The following ZNF728 variants were observed in gnomAD, a reference collection of about 807,000 sequenced individuals.
The protein encoded by ZNF728 is zinc finger protein 728.
Under a neutral mutation model 12.5 loss-of-function variants are expected in ZNF728, and 12 were observed. The observed-to-expected ratio is 0.96, with a 90% CI of 0.61 to 1.55. The LOEUF (loss-of-function observed/expected upper bound fraction) is 1.55, where lower values mean the gene tolerates loss of function less well. Among genes scored for constraint, ZNF728 ranks in the 40% most tolerant of loss-of-function variants. The probability of loss-of-function intolerance (pLI) is 0.00; values close to 1 mark genes in which losing one functional copy is unlikely to be tolerated. For missense variants in ZNF728, 692 were observed against 719.2 expected (o/e 0.96, Z 0.43); for synonymous variants, 205 against 240.7 (o/e 0.85, Z 1.37).
At position 22,976,510 on chromosome 19, in the gene ZNF728, C is replaced by T; in HGVS notation, c.827G>A (p.Arg276Lys). The T allele has an allele frequency of 6.2e-7, 1 of 1,612,710 alleles. No homozygotes were observed. Among genetic ancestry groups the T allele is most frequent in the Non-Finnish European group, 8.5e-7 (1 of 1,179,858 alleles). ...TRSSSLIEHK[R>K]SHAGEKPYKC... ...GTAGGGTTTCTCTCCAGCATGACTT[C>T]TCTTATGTTCAATAAGGCTTGAGGA... Residue 276 changes from arginine (R) to lysine (K), a missense_variant, in exon 4 of 4, where the codon AGA (arginine) becomes AAA (lysine). Arg to Lys is a conservative substitution (Grantham distance 26). Around this residue, in one of 3 missense-constraint regions of ZNF728, gnomAD observed 440 missense variants for 459.6 expected, o/e 0.96. Coordinates refer to ENST00000594710, the MANE Select transcript of ZNF728 (RefSeq NM_001267716.2).
intron 3 of ZNF728, among the ~76,000 whole-genome samples, chr19:22,979,066 G>A (rs528158170): frequency 1.3e-5 from 2 of 152,252 alleles, no homozygotes; most frequent in South Asian, 2.1e-4. Flanking sequence ...AAACTCCTCC[G>A]AGCTAAAGGA....
chr19:23,003,124 GAC>G lies in ZNF728; in HGVS notation c.-96_-95del. 7.0e-7 allele frequency: 1 copy of G among 1,431,874 alleles called. No homozygotes were observed. Among genetic ancestry groups the G allele is most frequent in the South Asian group, 1.4e-5 (1 of 72,438 alleles). 88.7% of individuals were successfully genotyped at this position (1,431,874 alleles called of 1,614,324 possible). On this transcript the variant is annotated 5_prime_UTR_variant, in exon 1 of 4. Coordinates refer to ENST00000594710, the MANE Select transcript of ZNF728 (RefSeq NM_001267716.2). Reference sequence around the variant, plus strand: ...AGAAGCTGGGCCTTTAGGAGCGGACGACACACAGCAGTAAGGACGACACCTTG... The same window carrying G: ...AGAAGCTGGGCCTTTAGGAGCGGACGACACAGCAGTAAGGACGACACCTTG...
intron 3 of ZNF728, among the ~76,000 whole-genome samples, chr19:22,980,273 A>G (rs901254383): frequency 6.6e-6 from 1 of 152,152 alleles, no homozygotes; most frequent in Non-Finnish European, 1.5e-5. Context: ...AAAGATCAAA[A>G]GAGACAAAGA....
At chr19:23,002,509 T>TAA (rs994067909) in intron 1 of ZNF728, among the ~76,000 whole-genome samples, 1 of 152,248 alleles carries the variant, frequency 6.6e-6, no homozygotes, top group African/African-American at 2.4e-5. Context: ...AGGCACCTTA[T>TAA]AAAACTCTTC....
rs892879791 is a variant in ZNF728 at position 22,975,188 on chromosome 19, G to A, written c.*280C>T. Among the ~76,000 whole-genome samples the A allele has an allele frequency of 5.3e-5, 8 of 152,144 alleles. No individual in the cohort carries two copies. Among genetic ancestry groups the A allele is most frequent in the African/African-American group, 1.9e-4 (8 of 41,432 alleles). Reference sequence around the variant, plus strand: ...TTAGCTTATGTCTGTTAAGAATTGAGGATCTGTTAGAGGCTTTCCCACATT... The same window carrying A: ...TTAGCTTATGTCTGTTAAGAATTGAAGATCTGTTAGAGGCTTTCCCACATT... On this transcript the variant is annotated 3_prime_UTR_variant, in exon 4 of 4. Coordinates refer to ENST00000594710, the MANE Select transcript of ZNF728 (RefSeq NM_001267716.2).
At chr19:22,987,964 T>G (rs1487141883) in intron 2 of ZNF728, among the ~76,000 whole-genome samples, 1 of 152,196 alleles carries the variant, frequency 6.6e-6, no homozygotes, top group East Asian at 1.9e-4. Flanking sequence ...CTTCTGCTCC[T>G]GCCGCCACAA....
In ZNF728 at chr19:22,975,418, C is replaced by G. The variant is rs1166951048; in HGVS notation, c.*50G>C. 6.9e-7 allele frequency: 1 copy of G among 1,448,398 alleles called. No homozygotes were observed. The highest frequency in any genetic ancestry group is 9.2e-7 in the Non-Finnish European group (1 of 1,083,836). 89.7% of individuals were successfully genotyped at this position (1,448,398 alleles called of 1,614,324 possible). The stretch of plus-strand genomic sequence containing the variant: ...TAGGGTTTCCCTCCTGTATAAATAC[C>G]CTTATGTTCAGTAAGGGTTAAGAAC... On this transcript the variant is annotated 3_prime_UTR_variant, in exon 4 of 4. Transcript: ENST00000594710.
intron 3 of ZNF728, among the ~76,000 whole-genome samples, chr19:22,982,963 T>C (rs1378413617): frequency 2.0e-5 from 3 of 152,122 alleles, no homozygotes; most frequent in African/African-American, 7.2e-5. Flanking sequence ...AAAGACTTCA[T>C]GACTAAATCA....
At chr19:22,982,073 A>C (rs1250905221) in intron 3 of ZNF728, among the ~76,000 whole-genome samples, 1 of 152,216 alleles carries the variant, frequency 6.6e-6, no homozygotes, top group East Asian at 1.9e-4. Context: ...TCAAATAGGA[A>C]AAGAGGAAGT....
chr19:23,002,501 G>A (rs1969123531), intron 1 of ZNF728, among the ~76,000 whole-genome samples: 1 of 152,098 alleles, frequency 6.6e-6, no homozygotes, highest in Admixed American at 6.5e-5. Context: ...TCTTCATTAG[G>A]CACCTTATAA....
intron 1 of ZNF728, among the ~76,000 whole-genome samples, chr19:23,002,689 T>G (rs1396545122): frequency 1.3e-5 from 2 of 152,170 alleles, no homozygotes; most frequent in East Asian, 3.9e-4. Context: ...TTTCCATTCT[T>G]GAACCCACAC....
At chr19:22,992,009 A>C (rs563232432) in intron 1 of ZNF728, among the ~76,000 whole-genome samples, 34 of 152,348 alleles carry the variant, frequency 2.2e-4, no homozygotes, top group Non-Finnish European at 4.7e-4. Context: ...TAGAAGAAAA[A>C]TAAGTATTCT....
In ZNF728 at chr19:22,987,968, G is replaced by A. The variant is rs145093433; in HGVS notation, c.130+357C>T. Among the ~76,000 whole-genome samples the A allele has an allele frequency of 1.4e-3, 215 of 152,214 alleles. 2 individuals are homozygous for A. The highest frequency in any genetic ancestry group is 2.2e-3 in the Non-Finnish European group (151 of 68,000). ...GGGCGAATTCGCTTCTGCTCCTGCCGCCACAAGGTACACTAAGGACAGTCA... is the reference window on the plus strand; with the variant it reads ...GGGCGAATTCGCTTCTGCTCCTGCCACCACAAGGTACACTAAGGACAGTCA... On this transcript the variant is annotated intron_variant, in intron 2 of 3. Transcript: ENST00000594710.
chr19:22,978,249 G>A (rs1293876114), intron 3 of ZNF728, among the ~76,000 whole-genome samples: 3 of 149,410 alleles, frequency 2.0e-5, no homozygotes, highest in Non-Finnish European at 4.4e-5. Flanking sequence ...CCAGTGAATT[G>A]TCAACAAAAG....
In ZNF728 at chr19:22,987,499, T is replaced by G. The variant is rs558185030; in HGVS notation, c.131-96A>C. 2.7e-6 allele frequency: 3 copies of G among 1,126,014 alleles called. No individual in the cohort carries two copies. In the African/African-American group the frequency reaches 4.8e-5, roughly 18 times the overall value. The allele number at this position is 1,126,014 out of a possible 1,614,324, so 69.8% of individuals were successfully genotyped here. On this transcript the variant is annotated intron_variant, in intron 2 of 3. Transcript: ENST00000594710. ...GTAAAGAGGATGTGATAGAATATTC[T>G]AATACATTTATCCCAAAATACTAAA...
chr19:22,978,104 A>G (rs1365058955), intron 3 of ZNF728, among the ~76,000 whole-genome samples: 1 of 152,066 alleles, frequency 6.6e-6, no homozygotes, highest in African/African-American at 2.4e-5. Context: ...AAGATCAAAA[A>G]GCAAATTAGG....
At chr19:22,992,705 C>G (rs1429500035) in intron 1 of ZNF728, among the ~76,000 whole-genome samples, 1 of 152,176 alleles carries the variant, frequency 6.6e-6, no homozygotes, top group Non-Finnish European at 1.5e-5. Context: ...AAAGATACTT[C>G]TTGTATAAGG....
intron 1 of ZNF728, among the ~76,000 whole-genome samples, chr19:22,998,856 C>A (rs1969077136): frequency 6.6e-6 from 1 of 152,228 alleles, no homozygotes; most frequent in Admixed American, 6.5e-5. Context: ...ATGGTACTCT[C>A]TTTACTTACC....
chr19:22,999,924 TA>T (rs1337574882), intron 1 of ZNF728, among the ~76,000 whole-genome samples: 1 of 152,244 alleles, frequency 6.6e-6, no homozygotes, highest in Non-Finnish European at 1.5e-5. Context: ...TGAAACTATG[TA>T]ACTCACCAAT....
Sources: allele counts gnomAD v4.1 joint callset (sites outside exome capture counted in the v4.1 genomes callset), GRCh38; gene constraint gnomAD v4.1.1; regional missense constraint gnomAD v4.1.1; transcripts MANE v1.5; gene names NCBI Gene and HGNC (gene_info 2026-07-23, HGNC 2026-07-21).